CCDC171: variants seen among roughly 807,000 people sequenced by gnomAD.
The protein encoded by CCDC171 is coiled-coil domain containing 171.
A neutral mutation model predicts 168.2 loss-of-function variants in CCDC171; 177 were observed. The ratio of observed to expected loss-of-function variants is 1.05; its 90% CI spans 0.93 to 1.19. The LOEUF (loss-of-function observed/expected upper bound fraction) is 1.19, where lower values mean the gene tolerates loss of function less well. Ranked by LOEUF, CCDC171 falls within the 50% of genes most tolerant of loss-of-function variation. The pLI is 0.00. For synonymous variants in CCDC171, 687 were observed against 540.8 expected, an observed-to-expected ratio of 1.27 and a Z score of -3.75; for missense variants, 1,991 against 1,539.0, an observed-to-expected ratio of 1.29 and a Z score of -4.91.
chr9:15,952,274 T>A (rs953053316), intron 25 of CCDC171, among the ~76,000 whole-genome samples: 3 of 152,218 alleles, frequency 2.0e-5, no homozygotes, highest in African/African-American at 7.2e-5. Context: ...CTGTTTTGAA[T>A]ACTGTAGCTT....
intron 2 of CCDC171, among the ~76,000 whole-genome samples, chr9:15,571,230 G>A (rs992930314): frequency 9.9e-5 from 15 of 152,210 alleles, no homozygotes; most frequent in South Asian, 8.3e-4. Flanking sequence ...AGAGTAGGGT[G>A]CTTTAGTCTG....
At chr9:15,569,362 A>G (rs143146526) in intron 2 of CCDC171, among the ~76,000 whole-genome samples, 1 of 152,280 alleles carries the variant, frequency 6.6e-6, no homozygotes, top group African/African-American at 2.4e-5. Context: ...TACCAATCTC[A>G]TGAGATTATT....
At chr9:15,605,144 G>A (rs768482202) in intron 6 of CCDC171, among the ~76,000 whole-genome samples, 1 of 152,038 alleles carries the variant, frequency 6.6e-6, no homozygotes, top group Non-Finnish European at 1.5e-5. Flanking sequence ...TGATCCTTCT[G>A]CCTCAGTCTC....
In CCDC171 at chr9:15,902,576, A is replaced by G. The variant is rs1202375497; in HGVS notation, c.3601-17694A>G. ...GTGGAGCCAAGATGGCTGAATAGGAACAGCTCCAGTCTACAGCTCCCAGCA... is the reference window on the plus strand; with the variant it reads ...GTGGAGCCAAGATGGCTGAATAGGAGCAGCTCCAGTCTACAGCTCCCAGCA... On this transcript the variant is annotated intron_variant, in intron 24 of 25. Transcript: ENST00000380701. Among the ~76,000 whole-genome samples, 4 of 140,274 alleles carry G rather than the reference A, an allele frequency of 2.9e-5. No individual in the cohort carries two copies. In the Admixed American group the frequency reaches 2.9e-4, roughly 10 times the overall value. 92.0% of individuals were successfully genotyped at this position (140,274 alleles called of 152,430 possible).
At chr9:15,854,437 C>G (rs1221455106) in intron 23 of CCDC171, among the ~76,000 whole-genome samples, 1 of 151,290 alleles carries the variant, frequency 6.6e-6, no homozygotes, top group South Asian at 2.1e-4. Flanking sequence ...TAGTAATGTC[C>G]TCATTTTTAT....
chr9:15,900,029 G>T (rs568081489), intron 24 of CCDC171, among the ~76,000 whole-genome samples: 30 of 152,150 alleles, frequency 2.0e-4, no homozygotes, highest in Non-Finnish European at 1.5e-4. Flanking sequence ...GTTAGTTTTG[G>T]TATAAGGAGT....
chr9:16,063,625 C>T (rs532857579), downstream of CCDC171, among the ~76,000 whole-genome samples: 33 of 152,328 alleles, frequency 2.2e-4, no homozygotes, highest in African/African-American at 7.5e-4. Context: ...TTTGAATATT[C>T]TTCCTTGAGA....
chr9:15,712,883 G>A (rs188256176), intron 11 of CCDC171, among the ~76,000 whole-genome samples: 2 of 152,240 alleles, frequency 1.3e-5, no homozygotes, highest in Admixed American at 6.5e-5. Flanking sequence ...GTTCAATTTT[G>A]TAAAGACAAA....
chr9:15,568,310 G>C (rs570993326), intron 2 of CCDC171, among the ~76,000 whole-genome samples: 12 of 125,180 alleles, frequency 9.6e-5, no homozygotes, highest in African/African-American at 3.7e-4. Context: ...TTGCTCTGTT[G>C]CCCAGGCTGG....
At position 15,574,121 on chromosome 9, in the gene CCDC171, C is replaced by T. The variant is rs1284501120; in HGVS notation, c.177+2362C>T. Among the ~76,000 whole-genome samples the T allele has an allele frequency of 4.0e-5, 6 of 151,302 alleles. No homozygotes were observed. In the South Asian group the frequency reaches 1.3e-3, roughly 32 times the overall value. On this transcript the variant is annotated intron_variant, in intron 3 of 25. Coordinates refer to ENST00000380701, the MANE Select transcript of CCDC171 (RefSeq NM_173550.4). ...TTTATATTACTAATTATTATTTTTT[C>T]AATTATTTCTTTTCTTTCTCTTTTT...
intron 6 of CCDC171, among the ~76,000 whole-genome samples, chr9:16,029,466 G>A (rs1014030219): frequency 1.3e-5 from 2 of 152,222 alleles, no homozygotes; most frequent in Non-Finnish European, 2.9e-5. Flanking sequence ...CAAAAGCTGT[G>A]TGGCCACATC....
At chr9:15,734,652 GTAT>G (rs977447755) in intron 16 of CCDC171, among the ~76,000 whole-genome samples, 3 of 151,794 alleles carry the variant, frequency 2.0e-5, no homozygotes, top group East Asian at 3.9e-4. Context: ...ATTTATTTTG[GTAT>G]TATGTTTGAT....
Position 15,642,361 on chromosome 9 carries a change from A to G in CCDC171, c.823-14766A>G, listed in dbSNP as rs1329715341. On this transcript the variant is annotated intron_variant, in intron 7 of 25. Coordinates refer to ENST00000380701, the MANE Select transcript of CCDC171 (RefSeq NM_173550.4). Reference sequence around the variant, plus strand: ...TGTGTGTGTATATATATATATATATATATATATATATATATATATATATGC... The same window carrying G: ...TGTGTGTGTATATATATATATATATGTATATATATATATATATATATATGC... Among the ~76,000 whole-genome samples the G allele has an allele frequency of 7.2e-4, 32 of 44,658 alleles. 1 individual carries two copies. The highest frequency in any genetic ancestry group is 7.0e-3 in the East Asian group (2 of 286). The allele number at this position is 44,658 out of a possible 152,430, so 29.3% of individuals were successfully genotyped here. A position where few individuals can be genotyped will look rare whatever the true frequency, so the allele number is the denominator to read the frequency against.
chr9:15,837,232 C>A (rs952548141), intron 21 of CCDC171, among the ~76,000 whole-genome samples: 5 of 152,144 alleles, frequency 3.3e-5, no homozygotes, highest in Non-Finnish European at 7.3e-5. Flanking sequence ...TTTCTAGGCT[C>A]CAGAAGCCAT....
At chr9:15,965,750 A>G (rs1039805221) in intron 25 of CCDC171, among the ~76,000 whole-genome samples, 2 of 152,178 alleles carry the variant, frequency 1.3e-5, no homozygotes, top group Non-Finnish European at 2.9e-5. Context: ...TAACAGCCCT[A>G]TGAGGGATTA....
At chr9:16,042,539 C>A (rs777398114), upstream of CCDC171, among the ~76,000 whole-genome samples, 7 of 152,196 alleles carry the variant, frequency 4.6e-5, no homozygotes, top group Non-Finnish European at 1.0e-4. Flanking sequence ...TGAATTATAA[C>A]CCCTGAGGAC....
chr9:15,812,911 A>G (rs192033000), intron 21 of CCDC171, among the ~76,000 whole-genome samples: 99 of 152,338 alleles, frequency 6.5e-4, no homozygotes, highest in African/African-American at 2.3e-3. Context: ...TTGCTGTACT[A>G]TGAGGACCTA....
At chr9:15,555,979 T>C (rs1038639874) in intron 1 of CCDC171, among the ~76,000 whole-genome samples, 11 of 152,142 alleles carry the variant, frequency 7.2e-5, no homozygotes. Context: ...TGATGGTTTC[T>C]AGCTTTATCC....
At chr9:15,934,401 A>AG (rs996360654) in intron 25 of CCDC171, among the ~76,000 whole-genome samples, 2 of 151,284 alleles carry the variant, frequency 1.3e-5, no homozygotes, top group Non-Finnish European at 2.9e-5. Context: ...AAAAAAAAAA[A>AG]AAAAGAAAAG....
Sources: allele counts gnomAD v4.1 joint callset (sites outside exome capture counted in the v4.1 genomes callset), GRCh38; gene constraint gnomAD v4.1.1; transcripts MANE v1.5; gene names NCBI Gene and HGNC (gene_info 2026-07-23, HGNC 2026-07-21).